NHSL3: variants seen among roughly 807,000 people sequenced by gnomAD.
NHSL3 encodes the protein NHS-like protein 3.
chr1:32,747,652 C>T, the NHSL3 span, among the ~76,000 whole-genome samples: 14 of 152,046 alleles, frequency 9.2e-5, no homozygotes, highest in African/African-American at 2.9e-4. Flanking sequence ...GACCCAGTGG[C>T]CTGGATGTCA....
At chr1:32,755,750 C>T in the NHSL3 span, among the ~76,000 whole-genome samples, 1 of 152,170 alleles carries the variant, frequency 6.6e-6, no homozygotes, top group African/African-American at 2.4e-5. Context: ...CAGTTAGGCT[C>T]TTTGAGGATT....
At chr1:32,768,853 A>G in the NHSL3 span, 18 of 1,528,262 alleles carry the variant, frequency 1.2e-5, no homozygotes, top group South Asian at 1.7e-4. Context: ...CTCCTTATCC[A>G]GTGTTTCACC....
chr1:32,748,392 T>C, the NHSL3 span, among the ~76,000 whole-genome samples: 2,116 of 152,078 alleles, frequency 0.014, 37 homozygotes, highest in African/African-American at 0.047. Flanking sequence ...GCAGTCAGAG[T>C]CAAGTCTCTG....
the NHSL3 span, chr1:32,771,911 C>A: frequency 1.3e-6 from 2 of 1,593,064 alleles, no homozygotes; most frequent in East Asian, 2.3e-5. Context: ...CCCCAGAAAC[C>A]ACTGCGAAGG....
chr1:32,774,654 T>G, the NHSL3 span: 1 of 152,444 alleles, frequency 6.6e-6, no homozygotes, highest in African/African-American at 2.4e-5. Context: ...TGGAACTCTA[T>G]CCTGTTAGGA....
At chr1:32,770,037 T>C in the NHSL3 span, 71 of 1,585,512 alleles carry the variant, frequency 4.5e-5, 1 homozygote, top group East Asian at 1.5e-3. The surrounding 1 kb of genome is among the most constrained non-coding windows in gnomAD (Gnocchi z 8.3). Context: ...AGGCTGGCGC[T>C]GAGACAGAGG....
the NHSL3 span, chr1:32,774,307 CAG>C: frequency 6.6e-6 from 1 of 152,292 alleles, no homozygotes; most frequent in Non-Finnish European, 1.5e-5. Flanking sequence ...AGGCTGGGAA[CAG>C]AGGGGATGTG....
chr1:32,744,868 G>C, the NHSL3 span, among the ~76,000 whole-genome samples: 1 of 152,184 alleles, frequency 6.6e-6, no homozygotes, highest in Non-Finnish European at 1.5e-5. Flanking sequence ...GCTCATGCCT[G>C]TAATCCTAGT....
the NHSL3 span, among the ~76,000 whole-genome samples, chr1:32,753,846 C>T: frequency 6.6e-6 from 1 of 152,196 alleles, no homozygotes. Flanking sequence ...CTGGGCGGCT[C>T]AGCCGGTCTC....
At chr1:32,750,054 G>A in the NHSL3 span, among the ~76,000 whole-genome samples, 3 of 152,194 alleles carry the variant, frequency 2.0e-5, no homozygotes, top group Non-Finnish European at 4.4e-5. Context: ...AGGAAGCATT[G>A]TATGTTATTT....
the NHSL3 span, chr1:32,754,315 C>T: frequency 7.5e-5 from 43 of 573,412 alleles, 1 homozygote; most frequent in South Asian, 8.5e-4. Flanking sequence ...AGACCCCACC[C>T]CTCACAGGCA....
At chr1:32,772,450 G>C in the NHSL3 span, 1 of 1,517,756 alleles carries the variant, frequency 6.6e-7, no homozygotes, top group Middle Eastern at 1.8e-4. Context: ...AGGTACAGTG[G>C]GCAGTGCTAG....
the NHSL3 span, chr1:32,770,885 GC>G: frequency 1.2e-6 from 2 of 1,608,862 alleles, no homozygotes. The surrounding 1 kb of genome is among the most constrained non-coding windows in gnomAD (Gnocchi z 8.3). Context: ...GGTTCCCGGC[GC>G]CCCCCACGGT....
the NHSL3 span, chr1:32,765,678 C>G: frequency 6.5e-7 from 1 of 1,538,176 alleles, no homozygotes; most frequent in Non-Finnish European, 8.7e-7. Flanking sequence ...GCTCGCATCC[C>G]CATAGTGCTG....
At chr1:32,754,449 C>G in the NHSL3 span, among the ~76,000 whole-genome samples, 1 of 150,404 alleles carries the variant, frequency 6.6e-6, no homozygotes, top group African/African-American at 2.5e-5. Flanking sequence ...TCACATACAC[C>G]ATCACACCCA....
At chr1:32,747,200 T>A in the NHSL3 span, among the ~76,000 whole-genome samples, 2 of 151,772 alleles carry the variant, frequency 1.3e-5, no homozygotes, top group Non-Finnish European at 2.9e-5. Context: ...TTGTTTTGTT[T>A]TTTGAGACAG....
chr1:32,742,119 C>T, the NHSL3 span: 1 of 1,248,120 alleles, frequency 8.0e-7, no homozygotes, highest in South Asian at 3.2e-5. Context: ...GGGCCGAGGG[C>T]GCCGAACCGG....
At chr1:32,769,281 A>T in the NHSL3 span, among the ~76,000 whole-genome samples, 1 of 152,060 alleles carries the variant, frequency 6.6e-6, no homozygotes. Flanking sequence ...AGAGTTAGAA[A>T]ATCTTAACTG....
chr1:32,754,955 G>A, the NHSL3 span, among the ~76,000 whole-genome samples: 1 of 151,628 alleles, frequency 6.6e-6, no homozygotes, highest in African/African-American at 2.4e-5. Flanking sequence ...GGTCCCCGAG[G>A]TCGCCGCCGC....
Sources: allele counts gnomAD v4.1 joint callset (sites outside exome capture counted in the v4.1 genomes callset), GRCh38; gene constraint gnomAD v4.1.1; non-coding constraint Gnocchi (gnomAD v3.1); transcripts MANE v1.5; gene names NCBI Gene and HGNC (gene_info 2026-07-23, HGNC 2026-07-21).